DIAPH2: variants seen among roughly 807,000 people sequenced by gnomAD.
The protein encoded by DIAPH2 is protein diaphanous homolog 2.
A neutral mutation model predicts 92.7 loss-of-function variants in DIAPH2; 35 were observed. That is an observed-to-expected ratio of 0.38 (90% CI 0.29 to 0.50). DIAPH2 has a LOEUF of 0.50. Among genes scored for constraint, DIAPH2 ranks in the 20% least tolerant of loss-of-function variants. The probability of loss-of-function intolerance (pLI) is 0.94; values close to 1 mark genes in which losing one functional copy is unlikely to be tolerated. For synonymous variants in DIAPH2, 301 were observed against 280.4 expected (o/e 1.07, Z -0.73); for missense variants, 701 against 819.5 (o/e 0.86, Z 1.77).
At chrX:96,913,487 G>A (rs968990155) in intron 7 of DIAPH2, among the ~76,000 whole-genome samples, 7 of 111,486 alleles carry the variant, frequency 6.3e-5, no homozygotes, top group Admixed American at 4.8e-4. Flanking sequence ...ATATTTATTG[G>A]TGGGTTTTTG....
chrX:97,336,243 C>CTTTTTTTTTTTT (rs1186112131), intron 23 of DIAPH2, among the ~76,000 whole-genome samples: 1 of 91,742 alleles, frequency 1.1e-5, no homozygotes, highest in African/African-American at 4.0e-5. Context: ...CTTTTCTTTT[C>CTTTTTTTTTTTT]TTTTTTTTTT....
chrX:97,010,404 C>T (rs1401309481), intron 17 of DIAPH2, among the ~76,000 whole-genome samples: 3 of 111,549 alleles, frequency 2.7e-5, no homozygotes, highest in Non-Finnish European at 5.7e-5. Context: ...TTCTTCACTG[C>T]TTCTTTTCAG....
intron 4 of DIAPH2, among the ~76,000 whole-genome samples, chrX:96,794,410 T>C (rs1250266373): frequency 9.0e-6 from 1 of 110,664 alleles, no homozygotes; most frequent in African/African-American, 3.3e-5. Context: ...GAAATAGATA[T>C]TTTGAATTGG....
chrX:96,795,137 T>G (rs1185477649), intron 4 of DIAPH2, among the ~76,000 whole-genome samples: 1 of 111,663 alleles, frequency 9.0e-6, no homozygotes, highest in African/African-American at 3.3e-5. Context: ...TTTTTTTTGG[T>G]GGCCACCATT....
At chrX:97,058,060 G>T (rs1474021210) in intron 17 of DIAPH2, among the ~76,000 whole-genome samples, 1 of 111,154 alleles carries the variant, frequency 9.0e-6, no homozygotes, top group Non-Finnish European at 1.9e-5. Context: ...ATTCCAGGAA[G>T]CTTTGGGTCA....
intron 22 of DIAPH2, among the ~76,000 whole-genome samples, chrX:97,241,672 A>G: frequency 9.0e-6 from 1 of 111,250 alleles, no homozygotes; most frequent in Middle Eastern, 4.7e-3. Context: ...TAGATTAAGA[A>G]GATTCAACTG....
At chrX:97,364,761 T>TTTTTTTTG (rs2069362902) in intron 24 of DIAPH2, among the ~76,000 whole-genome samples, 1 of 6,010 alleles carries the variant, frequency 1.7e-4, no homozygotes. Context: ...CTCCTGGTGT[T>TTTTTTTTG]TTTTTTTTTT....
At chrX:96,863,859 C>T (rs762403854) in intron 4 of DIAPH2, among the ~76,000 whole-genome samples, 1 of 111,342 alleles carries the variant, frequency 9.0e-6, no homozygotes, top group South Asian at 3.7e-4. Flanking sequence ...CCCAGAAGTT[C>T]GAGATCAGCC....
At position 97,099,690 on chromosome X, in the gene DIAPH2, T is replaced by G; in HGVS notation, c.2248-4T>G. 8.7e-7 allele frequency: 1 copy of G among 1,148,439 alleles called. No homozygotes were observed. Among genetic ancestry groups the G allele is most frequent in the Non-Finnish European group, 1.2e-6 (1 of 862,402 alleles). The allele number at this position is 1,148,439 out of a possible 1,213,427, so 94.6% of individuals were successfully genotyped here. On this transcript the variant is annotated splice_polypyrimidine_tract_variant and splice_region_variant and intron_variant, in intron 19 of 26. Transcript: ENST00000324765. ...TAAACTTTTATACTTTTATTTCTTT[T>G]TAGAACCTTGTGAAACATCTTCCTG... is the stretch of plus-strand genomic sequence containing the variant.
intron 1 of DIAPH2, among the ~76,000 whole-genome samples, chrX:96,689,712 T>C (rs1428153969): frequency 9.0e-6 from 1 of 111,039 alleles, no homozygotes; most frequent in African/African-American, 3.3e-5. Flanking sequence ...CACCGATTAC[T>C]TCAGTTTAGT....
intron 20 of DIAPH2, among the ~76,000 whole-genome samples, chrX:97,104,911 C>T (rs2066928827): frequency 8.9e-6 from 1 of 111,911 alleles, no homozygotes; most frequent in Non-Finnish European, 1.9e-5. Context: ...CCAATGCAGG[C>T]AGATCGCTTG....
chrX:97,425,371 A>G (rs1482592542), intron 25 of DIAPH2, among the ~76,000 whole-genome samples: 1 of 112,151 alleles, frequency 8.9e-6, no homozygotes, highest in East Asian at 2.8e-4. Flanking sequence ...GTTAATAACA[A>G]TATATTGTGT....
At chrX:97,048,690 C>T (rs183891511) in intron 17 of DIAPH2, among the ~76,000 whole-genome samples, 29 of 111,193 alleles carry the variant, frequency 2.6e-4, no homozygotes, top group African/African-American at 8.5e-4. Context: ...CCACAAATAG[C>T]GGTTGGCACT....
chrX:97,247,829 A>T lies in DIAPH2; in HGVS notation c.2834A>T (p.Glu945Val). ...GAAAATCAACACGATAAGTTTGTGG[A>T]AAAGATGACCATATCCTTTATTTAT... ...QAENQHDKFV[E>V]KMTSFTKTAR... The change falls in exon 23 of 27, where the codon GAA becomes GTA. Residue 945 changes from glutamate to valine, a missense_variant. This residue lies in a region of DIAPH2 where 536 missense variants were observed against 599.3 expected (regional missense o/e 0.89). Coordinates refer to ENST00000324765, the MANE Select transcript of DIAPH2 (RefSeq NM_006729.5). 1 of 1,209,058 alleles carries T rather than the reference A, an allele frequency of 8.3e-7. No homozygotes were observed. Among genetic ancestry groups the T allele is most frequent in the Non-Finnish European group, 1.1e-6 (1 of 893,739 alleles).
At position 97,488,397 on chromosome X, in the gene DIAPH2, T is replaced by G. The variant is rs756197858; in HGVS notation, c.3241+58652T>G. Among the ~76,000 whole-genome samples the G allele has an allele frequency of 2.7e-5, 3 of 112,354 alleles. No homozygotes were observed. In the Admixed American group the frequency reaches 2.8e-4, roughly 11 times the overall value. ...TGCAGCTAGCAAATATTTTCTCTCA[T>G]TTTTGTAAATTGCCTTTTCATTTTG... On this transcript the variant is annotated intron_variant, in intron 26 of 26. Transcript: ENST00000324765.
intron 26 of DIAPH2, among the ~76,000 whole-genome samples, chrX:97,569,346 T>C (rs756774752): frequency 3.0e-4 from 34 of 112,103 alleles, no homozygotes; most frequent in African/African-American, 1.1e-3. Context: ...ATCTTAACTA[T>C]GTCTTATACC....
In DIAPH2 at chrX:97,063,413, C is replaced by T. The variant is rs2066613789; in HGVS notation, c.2051-9528C>T. On this transcript the variant is annotated intron_variant, in intron 17 of 26. Transcript: ENST00000324765. The stretch of plus-strand genomic sequence containing the variant: ...CAGTATGTCCCAAGTGAAACATTAC[C>T]GAACACTGTAGCTGCTTATGAGCTC... Among the ~76,000 whole-genome samples, 3 of 111,970 alleles carry T rather than the reference C, an allele frequency of 2.7e-5. No individual in the cohort carries two copies. The Admixed American group carries it at 2.8e-4, about 11-fold the overall frequency.
chrX:97,463,521 G>A (rs2147803804), intron 26 of DIAPH2, among the ~76,000 whole-genome samples: 1 of 109,681 alleles, frequency 9.1e-6, no homozygotes, highest in South Asian at 4.0e-4. Context: ...CCCCCAAGTA[G>A]CTGGGACTAT....
At chrX:97,113,488 T>C (rs1026805185) in intron 20 of DIAPH2, among the ~76,000 whole-genome samples, 3 of 112,267 alleles carry the variant, frequency 2.7e-5, no homozygotes, top group Non-Finnish European at 5.6e-5. Context: ...CAGGTAGATA[T>C]TTCATCATAC....
Sources: gnomAD v4.1 joint callset for allele counts (sites outside exome capture counted in the v4.1 genomes callset) on GRCh38, gnomAD v4.1.1 for gene constraint, gnomAD v4.1.1 regional missense constraint, MANE v1.5 for transcripts, NCBI Gene and HGNC (gene_info 2026-07-23, HGNC 2026-07-21) for gene names.